CAPS2: variants seen among roughly 807,000 people sequenced by gnomAD.
CAPS2 encodes the protein calcyphosine 2.
CAPS2 carries 98 observed loss-of-function variants against 86.5 expected under a neutral mutation model. The ratio of observed to expected loss-of-function variants is 1.13; its 90% CI spans 0.96 to 1.34. The LOEUF is 1.34. Ranked by LOEUF, CAPS2 falls within the 40% of genes most tolerant of loss-of-function variation. The pLI is 0.00. For missense variants in CAPS2, 729 were observed against 686.8 expected, an observed-to-expected ratio of 1.06 and a Z score of -0.69; for synonymous variants, 210 against 225.1, an observed-to-expected ratio of 0.93 and a Z score of 0.60.
Position 75,356,497 on chromosome 12 carries a change from T to G in CAPS2, c.-394-33275A>C, listed in dbSNP as rs537269127. On this transcript the variant is annotated intron_variant, in intron 1 of 5. Transcript: ENST00000551829. ...TAACTTGATCGTGATAAGTAAAAGA[T>G]GCACACTATAAATTCTAAAGTAACT... 1.6e-4 allele frequency among the ~76,000 whole-genome samples: 24 copies of G among 152,272 alleles called. No homozygotes were observed. The South Asian group carries it at 5.0e-3, about 32-fold the overall frequency.
chr12:75,335,693 T>G (rs2041684047), intron 1 of CAPS2, among the ~76,000 whole-genome samples: 1 of 152,098 alleles, frequency 6.6e-6, no homozygotes, highest in Non-Finnish European at 1.5e-5. Context: ...GTCTACTGTA[T>G]AAGAAAATTA....
At chr12:75,276,233 T>TC, downstream of CAPS2, 3 of 1,544,990 alleles carry the variant, frequency 1.9e-6, no homozygotes, top group Non-Finnish European at 2.6e-6. Flanking sequence ...TTCATGTTTG[T>TC]CCTTGCTGGT....
chr12:75,379,097 T>G (rs1418496909), intron 1 of CAPS2, among the ~76,000 whole-genome samples: 1 of 152,232 alleles, frequency 6.6e-6, no homozygotes, highest in African/African-American at 2.4e-5. Flanking sequence ...CCTCTGATTT[T>G]TAATATAATT....
At chr12:75,324,356 A>G (rs2040575498) in intron 2 of CAPS2, among the ~76,000 whole-genome samples, 1 of 152,196 alleles carries the variant, frequency 6.6e-6, no homozygotes, top group South Asian at 2.1e-4. Flanking sequence ...ATATTTGTAA[A>G]TTGATTGCTA....
exon 9 of CAPS2, chr12:75,299,837 C>T (rs138519970): frequency 2.9e-5 from 42 of 1,464,962 alleles, no homozygotes; most frequent in Middle Eastern, 3.5e-4. Flanking sequence ...TCACAATTAC[C>T]GTGATACGAT....
At chr12:75,351,269 A>G (rs931964992) in intron 1 of CAPS2, among the ~76,000 whole-genome samples, 4 of 152,324 alleles carry the variant, frequency 2.6e-5, no homozygotes, top group Non-Finnish European at 4.4e-5. Context: ...ACTTCAGGAT[A>G]TCATCCAGGA....
chr12:75,381,145 C>T (rs1232476489), intron 1 of CAPS2, among the ~76,000 whole-genome samples: 1 of 152,110 alleles, frequency 6.6e-6, no homozygotes, highest in African/African-American at 2.4e-5. Context: ...TCACAGGGGC[C>T]AGTCTTTCCT....
chr12:75,389,173 A>G (rs1331109418), intron 1 of CAPS2, among the ~76,000 whole-genome samples: 3 of 152,216 alleles, frequency 2.0e-5, no homozygotes, highest in Non-Finnish European at 2.9e-5. Flanking sequence ...ATAGTGCCTG[A>G]CACATTAAAT....
intron 16 of CAPS2, among the ~76,000 whole-genome samples, 171 bp from the exon 17 acceptor site, chr12:75,279,236 C>T (rs1049079687): frequency 1.8e-4 from 27 of 151,922 alleles, no homozygotes; most frequent in African/African-American, 6.0e-4. Flanking sequence ...TCATCTCATT[C>T]GATTTGCCAC....
chr12:75,350,070 C>T (rs2042704802), intron 1 of CAPS2, among the ~76,000 whole-genome samples: 1 of 152,234 alleles, frequency 6.6e-6, no homozygotes, highest in Admixed American at 6.5e-5. Flanking sequence ...GCAAGACTGA[C>T]TGGTTTGGAC....
chr12:75,370,193 A>T lies in CAPS2; in HGVS notation c.-395+20645T>A, dbSNP rs771333853. On this transcript the variant is annotated intron_variant, in intron 1 of 5. Transcript: ENST00000551829. ...ATCTTTTAATGTCATTTATATACAA[A>T]AGAAATTCTCAAATGTTAAAATAAA... 7.4e-6 allele frequency: 9 copies of T among 1,219,914 alleles called. No homozygotes were observed. In the East Asian group the frequency reaches 2.1e-4, roughly 28 times the overall value. 75.6% of individuals were successfully genotyped at this position (1,219,914 alleles called of 1,614,324 possible).
In CAPS2 at chr12:75,322,066, C is replaced by A. The variant is rs373526765; in HGVS notation, c.292-490G>T. Among the ~76,000 whole-genome samples the A allele has an allele frequency of 2.8e-3, 430 of 151,894 alleles. 2 individuals carry two copies. The highest frequency in any genetic ancestry group is 0.01 in the African/African-American group (416 of 41,434). The stretch of plus-strand genomic sequence containing the variant: ...AATAAAATTTGTTTTTCTCTTAAAC[C>A]AAAAATAAACAAATGTCCTCATTTG... On this transcript the variant is annotated intron_variant, in intron 4 of 16. Transcript: ENST00000393284.
In CAPS2 at chr12:75,369,968, C is replaced by A. The variant is rs113495026; in HGVS notation, c.-395+20870G>T. ...TTTAATTTTTACTTTAGGGACTCCA[C>A]AACTTATTATACCTAACCGTATGTA... is the stretch of plus-strand genomic sequence containing the variant. On this transcript the variant is annotated intron_variant, in intron 1 of 5. Transcript: ENST00000551829. 5.9e-4 allele frequency: 641 copies of A among 1,086,276 alleles called. 5 individuals carry two copies. The African/African-American group carries it at 8.9e-3, about 15-fold the overall frequency. 67.3% of individuals were successfully genotyped at this position (1,086,276 alleles called of 1,614,324 possible).
intron 8 of CAPS2, among the ~76,000 whole-genome samples, chr12:75,302,122 G>A (rs1023628498): frequency 2.0e-5 from 3 of 152,062 alleles, no homozygotes; most frequent in Non-Finnish European, 2.9e-5. Context: ...TACTACTCAC[G>A]CCAATTCCTG....
chr12:75,356,776 A>C (rs2043182788), intron 1 of CAPS2, among the ~76,000 whole-genome samples: 2 of 152,186 alleles, frequency 1.3e-5, no homozygotes, highest in Non-Finnish European at 2.9e-5. Flanking sequence ...GAAATTGAAA[A>C]CCAGCTTTAT....
intron 13 of CAPS2, among the ~76,000 whole-genome samples, chr12:75,290,662 T>A (rs1431455472): frequency 1.3e-5 from 2 of 152,082 alleles, no homozygotes; most frequent in Non-Finnish European, 2.9e-5. Flanking sequence ...ATGACTATAA[T>A]CCCAGCACTT....
intron 1 of CAPS2, among the ~76,000 whole-genome samples, chr12:75,335,706 T>C (rs1302350127): frequency 6.6e-6 from 1 of 152,084 alleles, no homozygotes; most frequent in South Asian, 2.1e-4. Context: ...GAAAATTATA[T>C]TTTGATGGAG....
intron 1 of CAPS2, among the ~76,000 whole-genome samples, chr12:75,361,589 A>T (rs1197772643): frequency 1.3e-5 from 2 of 152,212 alleles, no homozygotes; most frequent in Non-Finnish European, 2.9e-5. Context: ...TAATTGACTC[A>T]TGGTTCCACG....
intron 1 of CAPS2, among the ~76,000 whole-genome samples, chr12:75,336,324 G>C (rs759714916): frequency 2.0e-5 from 3 of 151,438 alleles, no homozygotes; most frequent in Non-Finnish European, 4.4e-5. Flanking sequence ...AATAGCAAAT[G>C]GTAGACTAAA....
Sources: allele counts gnomAD v4.1 joint callset (sites outside exome capture counted in the v4.1 genomes callset), GRCh38; gene constraint gnomAD v4.1.1; transcripts MANE v1.5; gene names NCBI Gene and HGNC (gene_info 2026-07-23, HGNC 2026-07-21).